Variants in ASZ1 observed in about 807,000 individuals in gnomAD.
ASZ1 encodes ankyrin repeat, SAM and basic leucine zipper domain-containing protein 1.
ASZ1 carries 67 observed loss-of-function variants against 61.8 expected under a neutral mutation model. The ratio of observed to expected loss-of-function variants is 1.08; its 90% CI spans 0.89 to 1.33. The LOEUF (loss-of-function observed/expected upper bound fraction) is 1.33. Ranked by LOEUF, ASZ1 falls within the 40% of genes most tolerant of loss-of-function variation. The probability of loss-of-function intolerance (pLI) is 0.00; values close to 1 mark genes in which losing one functional copy is unlikely to be tolerated. For missense variants in ASZ1, 577 were observed against 554.5 expected, an observed-to-expected ratio of 1.04 and a Z score of -0.41; for synonymous variants, 193 against 192.7, an observed-to-expected ratio of 1.00 and a Z score of -0.01.
At chr7:117,384,093 T>TA in intron 6 of ASZ1, among the ~76,000 whole-genome samples, 1 of 152,208 alleles carries the variant, frequency 6.6e-6, no homozygotes, top group Non-Finnish European at 1.5e-5. Flanking sequence ...CTAAACAACT[T>TA]AGTTTTATAA....
Position 117,422,301 on chromosome 7 carries a change from A to G in ASZ1, c.264T>C (p.Ser88=). 1 of 1,613,814 alleles carries G rather than the reference A, an allele frequency of 6.2e-7. No homozygotes were observed. The highest frequency in any genetic ancestry group is 8.5e-7 in the Non-Finnish European group (1 of 1,179,744). The change falls in exon 3 of 13, where the codon AGT becomes AGC. Residue 88 remains serine, a synonymous_variant. Coordinates refer to ENST00000284629, the MANE Select transcript of ASZ1 (RefSeq NM_130768.3). ...CCCGAACCAGCTCTGCATTGGCAAC[A>G]CTAGCAGCATACATAAGGGGAGTCC... ...YGWTPLMYAA[S]VANAELVRVL... is the part of the protein sequence containing the mutation.
At chr7:117,388,775 G>A (rs1427260226) in intron 4 of ASZ1, among the ~76,000 whole-genome samples, 1 of 152,100 alleles carries the variant, frequency 6.6e-6, no homozygotes, top group Admixed American at 6.6e-5. Context: ...TGTATTGGAA[G>A]TTCTAGCCAG....
chr7:117,411,741 A>T (rs1796893961), intron 4 of ASZ1, among the ~76,000 whole-genome samples: 1 of 151,764 alleles, frequency 6.6e-6, no homozygotes, highest in African/African-American at 2.4e-5. Context: ...TTATGATGTG[A>T]GTGGTATTTT....
intron 4 of ASZ1, among the ~76,000 whole-genome samples, chr7:117,413,277 C>T (rs775641325): frequency 6.6e-6 from 1 of 151,892 alleles, no homozygotes; most frequent in Non-Finnish European, 1.5e-5. Context: ...CTTATCAAAC[C>T]TCTGTTACAT....
chr7:117,413,654 G>T lies in ASZ1; in HGVS notation c.440+6509C>A, dbSNP rs868820966. Among the ~76,000 whole-genome samples, 7 of 151,810 alleles carry T rather than the reference G, an allele frequency of 4.6e-5. No individual in the cohort carries two copies. The East Asian group carries it at 1.4e-3, about 29-fold the overall frequency. Reference sequence around the variant, plus strand: ...ACCATAAGTCCCACAGATGGAAAATGAAAAAATAAAAGAAAATAAAGAAAA... The same window carrying T: ...ACCATAAGTCCCACAGATGGAAAATTAAAAAATAAAAGAAAATAAAGAAAA... On this transcript the variant is annotated intron_variant, in intron 4 of 12. Coordinates refer to ENST00000284629, the MANE Select transcript of ASZ1 (RefSeq NM_130768.3).
At chr7:117,420,065 A>G (rs1166788906) in intron 4 of ASZ1, 98 bp downstream of exon 4, 9 of 762,166 alleles carry the variant, frequency 1.2e-5, no homozygotes, top group African/African-American at 5.2e-5. Context: ...TTCATCAACT[A>G]TTTGGCCAAG....
intron 4 of ASZ1, among the ~76,000 whole-genome samples, chr7:117,410,511 A>G: frequency 6.6e-6 from 1 of 151,736 alleles, no homozygotes; most frequent in East Asian, 1.9e-4. Context: ...AGATGAAACA[A>G]TGTAAAAAAT....
chr7:117,373,276 GTTGCCAAGGCTGGC>G (rs1459791265), intron 10 of ASZ1, among the ~76,000 whole-genome samples: 1 of 151,970 alleles, frequency 6.6e-6, no homozygotes, highest in Non-Finnish European at 1.5e-5. Context: ...GTCTTGCTAT[GTTGCCAAGGCTGGC>G]CTTGAACTCC....
Position 117,427,413 on chromosome 7 carries a change from C to T in ASZ1, c.48G>A (p.Glu16=), listed in dbSNP as rs760080238. ...LRGLPVAGGG[E]SSESEDDGWE... is the part of the protein sequence containing the mutation. ...AGCCATCATCCTCGCTCTCGCTACT[C>T]TCGCCTCCGCCAGCCACTGGCAGGC... Residue 16 remains glutamate, a synonymous_variant, in exon 1 of 13, where the codon GAG becomes GAA. Transcript: ENST00000284629. 1 of 1,614,098 alleles carries T rather than the reference C, an allele frequency of 6.2e-7. No individual in the cohort carries two copies. Among genetic ancestry groups the T allele is most frequent in the South Asian group, 1.1e-5 (1 of 91,086 alleles).
intron 10 of ASZ1, among the ~76,000 whole-genome samples, chr7:117,372,989 T>C (rs1051422046): frequency 2.0e-5 from 3 of 152,148 alleles, no homozygotes; most frequent in African/African-American, 4.8e-5. Context: ...AATTTTAGAA[T>C]GTTTATAAAT....
At chr7:117,381,887 T>A (rs1796260917) in intron 8 of ASZ1, among the ~76,000 whole-genome samples, 182 bp downstream of exon 8, 1 of 152,146 alleles carries the variant, frequency 6.6e-6, no homozygotes, top group Non-Finnish European at 1.5e-5. Flanking sequence ...TTATGTAAAT[T>A]TCTAGAATAA....
rs1797248592 is a variant in ASZ1 at position 117,427,436 on chromosome 7, G to A, written c.25C>T (p.Leu9=). 6.2e-7 allele frequency: 1 copy of A among 1,614,034 alleles called. No homozygotes were observed. The highest frequency in any genetic ancestry group is 8.5e-7 in the Non-Finnish European group (1 of 1,179,990). MAASALRG[L]PVAGGGESSE... ...CTCTCGCCTCCGCCAGCCACTGGCAGGCCTCGCAGCGCGCTCGCCGCCATG... is the reference window on the plus strand; with the variant it reads ...CTCTCGCCTCCGCCAGCCACTGGCAAGCCTCGCAGCGCGCTCGCCGCCATG... Residue 9 remains leucine, a synonymous_variant, in exon 1 of 13, where the codon CTG becomes TTG. Coordinates refer to ENST00000284629, the MANE Select transcript of ASZ1 (RefSeq NM_130768.3).
chr7:117,425,367 G>A (rs573206087), intron 2 of ASZ1, among the ~76,000 whole-genome samples: 2 of 136,018 alleles, frequency 1.5e-5, no homozygotes, highest in East Asian at 2.5e-4. Flanking sequence ...CCGGGTTCAC[G>A]CCATTCTCCT....
At chr7:117,366,357 GAAGAA>G (rs957059715) in intron 12 of ASZ1, among the ~76,000 whole-genome samples, 52 of 152,078 alleles carry the variant, frequency 3.4e-4, no homozygotes, top group African/African-American at 1.2e-3. Flanking sequence ...AATCTATTTT[GAAGAA>G]AAGAACTTTT....
chr7:117,418,832 G>A (rs1257479981), intron 4 of ASZ1, among the ~76,000 whole-genome samples: 2 of 151,980 alleles, frequency 1.3e-5, no homozygotes, highest in Non-Finnish European at 2.9e-5. Context: ...GTGGTAGTGT[G>A]TGCCTGTAGT....
At chr7:117,387,315 A>G (rs866874979) in intron 4 of ASZ1, among the ~76,000 whole-genome samples, 11,364 of 146,564 alleles carry the variant, frequency 0.078, 1,418 homozygotes, top group African/African-American at 0.29. Context: ...TCTCAACAAC[A>G]ACAACAACAA....
chr7:117,418,891 G>T (rs552709151), intron 4 of ASZ1, among the ~76,000 whole-genome samples: 2 of 152,022 alleles, frequency 1.3e-5, no homozygotes, highest in African/African-American at 4.8e-5. Flanking sequence ...AGACTGGGAG[G>T]CAGAAGTTAC....
chr7:117,427,484 G>T lies in ASZ1; in HGVS notation c.-24C>A, dbSNP rs556936635. The T allele has an allele frequency of 1.2e-5, 20 of 1,611,684 alleles. No homozygotes were observed. Among genetic ancestry groups the T allele is most frequent in the Non-Finnish European group, 1.5e-5 (18 of 1,178,452 alleles). ...ATGCCAGCCAAGGAAGCTCCCTGTC[G>T]GCACCGCGCGCCCTTCAGCTCTCCG... On this transcript the variant is annotated 5_prime_UTR_variant, in exon 1 of 13. Transcript: ENST00000284629.
rs147480384 is a variant in ASZ1 at position 117,364,484 on chromosome 7, G to A, written c.1276-736C>T. ...GAGAGAGAAAAGACTTAAAGAGGGAGGGCTGAGAGGAGAGGGATGGCTTTT... is the reference window on the plus strand; with the variant it reads ...GAGAGAGAAAAGACTTAAAGAGGGAAGGCTGAGAGGAGAGGGATGGCTTTT... On this transcript the variant is annotated intron_variant, in intron 12 of 12. Transcript: ENST00000284629. Among the ~76,000 whole-genome samples, 272 of 152,014 alleles carry A rather than the reference G, an allele frequency of 1.8e-3. 2 individuals carry two copies. Among genetic ancestry groups the A allele is most frequent in the African/African-American group, 6.5e-3 (268 of 41,480 alleles).
Sources: allele counts gnomAD v4.1 joint callset (sites outside exome capture counted in the v4.1 genomes callset), GRCh38; gene constraint gnomAD v4.1.1; transcripts MANE v1.5; gene names NCBI Gene and HGNC (gene_info 2026-07-23, HGNC 2026-07-21).